Variants in SEMA5A observed in about 807,000 individuals in gnomAD.
SEMA5A encodes the protein semaphorin 5A, also known as semaphorin-5A.
A neutral mutation model predicts 135.5 loss-of-function variants in SEMA5A; 55 were observed. The observed-to-expected ratio is 0.41, with a 90% CI of 0.33 to 0.51. The LOEUF (loss-of-function observed/expected upper bound fraction) is 0.51. SEMA5A is among the 20% of genes least tolerant of loss of function. The probability of loss-of-function intolerance (pLI) is 0.37; values close to 1 mark genes in which losing one functional copy is unlikely to be tolerated. For missense variants in SEMA5A, 1,290 were observed against 1,419.9 expected, an observed-to-expected ratio of 0.91 and a Z score of 1.47; for synonymous variants, 580 against 546.5, an observed-to-expected ratio of 1.06 and a Z score of -0.85.
At chr5:9,372,430 G>T (rs1755177324) in intron 3 of SEMA5A, among the ~76,000 whole-genome samples, 1 of 152,194 alleles carries the variant, frequency 6.6e-6, no homozygotes, top group African/African-American at 2.4e-5. Context: ...GATATGTGTG[G>T]AACCATGGGA....
intron 2 of SEMA5A, among the ~76,000 whole-genome samples, chr5:9,407,289 G>T (rs989405095): frequency 6.6e-6 from 1 of 152,154 alleles, no homozygotes; most frequent in African/African-American, 2.4e-5. Flanking sequence ...TCCATATTTT[G>T]ATTTTCTTCT....
Position 9,303,614 on chromosome 5 carries a change from A to G in SEMA5A, c.270+14758T>C, listed in dbSNP as rs191068341. Among the ~76,000 whole-genome samples, 376 of 152,306 alleles carry G rather than the reference A, an allele frequency of 2.5e-3. 3 individuals are homozygous for G. Among genetic ancestry groups the G allele is most frequent in the Non-Finnish European group, 1.0e-3 (70 of 68,002 alleles). ...AGAGAGACTTTCGAATGTTCTCACC[A>G]TAAAGAAATGATAAATGAATGAGGT... On this transcript the variant is annotated intron_variant, in intron 5 of 22. Transcript: ENST00000382496.
intron 6 of SEMA5A, among the ~76,000 whole-genome samples, chr5:9,232,837 C>T (rs989698495): frequency 2.0e-5 from 3 of 152,114 alleles, no homozygotes; most frequent in Admixed American, 2.0e-4. Context: ...AAAATAAAAG[C>T]AGGGCTACAA....
At chr5:9,133,139 A>C (rs1297435915) in intron 13 of SEMA5A, among the ~76,000 whole-genome samples, 3 of 152,224 alleles carry the variant, frequency 2.0e-5, no homozygotes, top group Non-Finnish European at 4.4e-5. Context: ...TTGCCCAATA[A>C]AATTAAGCCC....
At chr5:9,501,368 T>C (rs1396432990) in intron 1 of SEMA5A, among the ~76,000 whole-genome samples, 2 of 152,230 alleles carry the variant, frequency 1.3e-5, no homozygotes, top group Non-Finnish European at 2.9e-5. Context: ...AGTGTCAACA[T>C]ATACATATGT....
chr5:9,496,114 G>A (rs777930113), intron 1 of SEMA5A, among the ~76,000 whole-genome samples: 2 of 152,058 alleles, frequency 1.3e-5, no homozygotes, highest in South Asian at 2.1e-4. Context: ...GCATGATCTC[G>A]GCTCACTGTA....
chr5:9,533,308 C>T (rs1008359650), intron 1 of SEMA5A, among the ~76,000 whole-genome samples: 1 of 152,166 alleles, frequency 6.6e-6, no homozygotes, highest in Non-Finnish European at 1.5e-5. Context: ...CATTGGCTTG[C>T]TCCTCTGGAA....
chr5:9,281,100 T>A (rs1487532591), intron 5 of SEMA5A, among the ~76,000 whole-genome samples: 1 of 152,220 alleles, frequency 6.6e-6, no homozygotes, highest in Non-Finnish European at 1.5e-5. Context: ...TAAGATGAGT[T>A]ATCAGAATTT....
chr5:9,237,126 A>G (rs908694284), intron 6 of SEMA5A, among the ~76,000 whole-genome samples: 1 of 152,192 alleles, frequency 6.6e-6, no homozygotes, highest in Non-Finnish European at 1.5e-5. Flanking sequence ...TCCAATATAA[A>G]GTAAGAAGAT....
chr5:9,067,004 T>C (rs1737512140), intron 16 of SEMA5A, among the ~76,000 whole-genome samples: 1 of 152,222 alleles, frequency 6.6e-6, no homozygotes, highest in African/African-American at 2.4e-5. Context: ...TTAGCTATTT[T>C]CTTTAAAAGA....
intron 15 of SEMA5A, among the ~76,000 whole-genome samples, chr5:9,109,372 G>T (rs923309761): frequency 6.6e-6 from 1 of 152,180 alleles, no homozygotes; most frequent in Non-Finnish European, 1.5e-5. Flanking sequence ...CAAGTGAAAT[G>T]AAGTGAAGTG....
intron 3 of SEMA5A, among the ~76,000 whole-genome samples, chr5:9,350,358 G>C (rs996415143): frequency 2.0e-4 from 30 of 152,214 alleles, no homozygotes; most frequent in African/African-American, 7.0e-4. Flanking sequence ...GACTCAGCAG[G>C]TCTGCGGTAT....
At chr5:9,407,370 T>C (rs1756928304) in intron 2 of SEMA5A, among the ~76,000 whole-genome samples, 1 of 152,252 alleles carries the variant, frequency 6.6e-6, no homozygotes, top group Non-Finnish European at 1.5e-5. Flanking sequence ...CCTGAATTAG[T>C]ACAACACAAT....
At chr5:9,080,996 C>T (rs185509754) in intron 16 of SEMA5A, among the ~76,000 whole-genome samples, 1 of 152,194 alleles carries the variant, frequency 6.6e-6, no homozygotes, top group Non-Finnish European at 1.5e-5. Flanking sequence ...TAATCCACAA[C>T]CTCCTCGTAC....
At chr5:9,058,348 C>T (rs79769433) in intron 18 of SEMA5A, among the ~76,000 whole-genome samples, 15,025 of 152,018 alleles carry the variant, frequency 0.099, 875 homozygotes, top group African/African-American at 0.14. Context: ...GACACACAAG[C>T]ACAGGTTAGG....
At chr5:9,357,129 A>G (rs1333619054) in intron 3 of SEMA5A, among the ~76,000 whole-genome samples, 2 of 152,190 alleles carry the variant, frequency 1.3e-5, no homozygotes, top group African/African-American at 4.8e-5. Context: ...ACTCTTGGCA[A>G]GCCATTAAAA....
chr5:9,540,372 G>A (rs1393232229), intron 1 of SEMA5A, among the ~76,000 whole-genome samples: 2 of 151,074 alleles, frequency 1.3e-5, no homozygotes, highest in African/African-American at 2.4e-5. Context: ...GGTGGATCAC[G>A]AGGTCAGGAG....
chr5:9,086,479 T>C (rs764923402), intron 16 of SEMA5A, among the ~76,000 whole-genome samples: 33 of 152,236 alleles, frequency 2.2e-4, no homozygotes, highest in Admixed American at 3.3e-4. Context: ...CTGCACGAGC[T>C]CTCTTCTCTT....
At chr5:9,151,451 A>C (rs929561312) in intron 12 of SEMA5A, among the ~76,000 whole-genome samples, 1 of 152,210 alleles carries the variant, frequency 6.6e-6, no homozygotes, top group Non-Finnish European at 1.5e-5. Context: ...TTGTTTTCCT[A>C]TTCCTATTTA....
Sources: gnomAD v4.1 joint callset for allele counts (sites outside exome capture counted in the v4.1 genomes callset) on GRCh38, gnomAD v4.1.1 for gene constraint, MANE v1.5 for transcripts, NCBI Gene and HGNC (gene_info 2026-07-23, HGNC 2026-07-21) for gene names.